TPD52: variants seen among roughly 807,000 people sequenced by gnomAD.
TPD52 encodes prostate and colon associated protein.
A neutral mutation model predicts 31.3 loss-of-function variants in TPD52; 17 were observed. The ratio of observed to expected loss-of-function variants is 0.54; its 90% CI spans 0.37 to 0.82. The LOEUF is 0.82. Among genes scored for constraint, TPD52 ranks in the 40% least tolerant of loss-of-function variants. The pLI is 0.00. For synonymous variants in TPD52, 83 were observed against 89.6 expected (o/e 0.93, Z 0.42); for missense variants, 212 against 240.1 (o/e 0.88, Z 0.77).
At chr8:80,049,854 A>G (rs978357513) in intron 5 of TPD52, among the ~76,000 whole-genome samples, 7 of 152,236 alleles carry the variant, frequency 4.6e-5, no homozygotes, top group African/African-American at 1.7e-4. Context: ...CATAAAGAAT[A>G]TAACAAGTGT....
At chr8:80,122,190 C>T (rs1808306049) in intron 1 of TPD52, among the ~76,000 whole-genome samples, 1 of 152,074 alleles carries the variant, frequency 6.6e-6, no homozygotes, top group African/African-American at 2.4e-5. Flanking sequence ...TGACACGTCA[C>T]ATCTCAAAAC....
intron 1 of TPD52, among the ~76,000 whole-genome samples, chr8:80,161,234 C>T: frequency 6.6e-6 from 1 of 152,154 alleles, no homozygotes; most frequent in South Asian, 2.1e-4. Flanking sequence ...TTCTTACATA[C>T]CTGCCTTAGG....
At chr8:80,137,980 T>G (rs1333681623) in intron 1 of TPD52, among the ~76,000 whole-genome samples, 1 of 152,084 alleles carries the variant, frequency 6.6e-6, no homozygotes, top group Non-Finnish European at 1.5e-5. Context: ...GTTTCACTCT[T>G]GTTGCCCAGG....
At chr8:80,045,700 A>C (rs991372231) in intron 5 of TPD52, among the ~76,000 whole-genome samples, 2 of 152,220 alleles carry the variant, frequency 1.3e-5, no homozygotes, top group African/African-American at 4.8e-5. Context: ...TGGTTTCAAT[A>C]ATAGAAGCTA....
chr8:80,086,742 C>T (rs1316593600), intron 1 of TPD52, among the ~76,000 whole-genome samples: 1 of 151,704 alleles, frequency 6.6e-6, no homozygotes, highest in Non-Finnish European at 1.5e-5. Flanking sequence ...GTTGGGGGGG[C>T]ACGTGCCTGC....
At chr8:80,057,558 A>G (rs760318866) in intron 2 of TPD52, among the ~76,000 whole-genome samples, 1 of 152,208 alleles carries the variant, frequency 6.6e-6, no homozygotes, top group Non-Finnish European at 1.5e-5. Flanking sequence ...TAATCAAATT[A>G]ACACAAAAAT....
intron 1 of TPD52, among the ~76,000 whole-genome samples, chr8:80,163,460 G>A (rs1811494936): frequency 6.6e-6 from 1 of 152,184 alleles, no homozygotes; most frequent in Non-Finnish European, 1.5e-5. Flanking sequence ...AGGGGTAGGG[G>A]ATGGAGGAAT....
At chr8:80,034,058 AG>A (rs1297613535), downstream of TPD52, among the ~76,000 whole-genome samples, 2 of 151,990 alleles carry the variant, frequency 1.3e-5, no homozygotes, top group Non-Finnish European at 2.9e-5. Flanking sequence ...GTCCACACCA[AG>A]CTACCCTCAG....
At chr8:80,143,474 T>G (rs1809977903) in intron 1 of TPD52, among the ~76,000 whole-genome samples, 1 of 152,166 alleles carries the variant, frequency 6.6e-6, no homozygotes, top group African/African-American at 2.4e-5. Context: ...CCAAAACTCA[T>G]TAAAACTTGG....
intron 1 of TPD52, among the ~76,000 whole-genome samples, chr8:80,155,662 T>C (rs1462109622): frequency 6.6e-6 from 1 of 152,096 alleles, no homozygotes; most frequent in South Asian, 2.1e-4. Flanking sequence ...GGCGGGCAGA[T>C]CACTTGAGGT....
At chr8:80,137,031 T>C (rs546017181) in intron 1 of TPD52, among the ~76,000 whole-genome samples, 6 of 152,148 alleles carry the variant, frequency 3.9e-5, no homozygotes, top group African/African-American at 1.4e-4. Context: ...CTTTTCCAAT[T>C]TTTTTTAAAG....
intron 1 of TPD52, among the ~76,000 whole-genome samples, chr8:80,140,005 A>G (rs1028736503): frequency 6.6e-6 from 1 of 152,242 alleles, no homozygotes; most frequent in Admixed American, 6.5e-5. Context: ...GACTGAAAAA[A>G]GAAAAGAAGC....
At chr8:80,149,117 G>C (rs1022357336) in intron 1 of TPD52, among the ~76,000 whole-genome samples, 2 of 152,150 alleles carry the variant, frequency 1.3e-5, no homozygotes, top group African/African-American at 2.4e-5. Flanking sequence ...ATATAGTTTG[G>C]CTGTGTCCCC....
intron 1 of TPD52, among the ~76,000 whole-genome samples, chr8:80,093,291 T>C (rs1816432557): frequency 6.6e-6 from 1 of 152,210 alleles, no homozygotes; most frequent in Non-Finnish European, 1.5e-5. Flanking sequence ...GTGGTCTCTA[T>C]GGTGAGATTA....
downstream of TPD52, among the ~76,000 whole-genome samples, chr8:80,033,709 G>C (rs1282125428): frequency 6.6e-6 from 1 of 152,188 alleles, no homozygotes; most frequent in Non-Finnish European, 1.5e-5. Context: ...GCAAGGCAGA[G>C]AGGAGCGTTA....
chr8:80,159,144 A>G (rs1397373672), intron 1 of TPD52, among the ~76,000 whole-genome samples: 2 of 152,156 alleles, frequency 1.3e-5, no homozygotes, highest in African/African-American at 2.4e-5. Context: ...AAAAATCAGT[A>G]TCTATTGAGC....
intron 1 of TPD52, chr8:80,064,805 G>C: frequency 1.5e-6 from 1 of 682,766 alleles, no homozygotes. Flanking sequence ...GCCAAAATAT[G>C]AATTTAGAAA....
At chr8:80,046,399 T>C (rs1810852580) in intron 5 of TPD52, among the ~76,000 whole-genome samples, 1 of 152,192 alleles carries the variant, frequency 6.6e-6, no homozygotes. Flanking sequence ...ATCCTCCCCA[T>C]AATCCATAGT....
downstream of TPD52, among the ~76,000 whole-genome samples, chr8:80,032,329 A>G (rs950056732): frequency 2.0e-5 from 3 of 152,158 alleles, no homozygotes; most frequent in Non-Finnish European, 4.4e-5. Flanking sequence ...AAGTGCCAAG[A>G]GTAGCATCCT....
Sources: allele counts gnomAD v4.1 joint callset (sites outside exome capture counted in the v4.1 genomes callset), GRCh38; gene constraint gnomAD v4.1.1; transcripts MANE v1.5; gene names NCBI Gene and HGNC (gene_info 2026-07-23, HGNC 2026-07-21).